THSD4: variants seen among roughly 807,000 people sequenced by gnomAD.
The protein encoded by THSD4 is thrombospondin type-1 domain-containing protein 4.
In THSD4, 69 loss-of-function variants were observed where a neutral mutation model predicts 119.0. The observed-to-expected ratio is 0.58, with a 90% CI of 0.48 to 0.71. The LOEUF is 0.71. Among genes scored for constraint, THSD4 ranks in the 30% least tolerant of loss-of-function variants. The pLI is 0.00. For synonymous variants in THSD4, 524 were observed against 540.4 expected (o/e 0.97, Z 0.42); for missense variants, 1,393 against 1,391.1 (o/e 1.00, Z -0.02).
chr15:71,195,293 A>T (rs1010987799), intron 3 of THSD4, among the ~76,000 whole-genome samples: 2 of 152,242 alleles, frequency 1.3e-5, no homozygotes, highest in East Asian at 3.8e-4. Context: ...CAACTCTAGC[A>T]TATATAAAAA....
intron 7 of THSD4, among the ~76,000 whole-genome samples, chr15:71,636,585 C>T (rs2050748664): frequency 6.6e-6 from 1 of 152,138 alleles, no homozygotes; most frequent in African/African-American, 2.4e-5. Flanking sequence ...TTTCTTTCTC[C>T]TGTCACTGGA....
intron 7 of THSD4, among the ~76,000 whole-genome samples, chr15:71,413,252 A>G (rs1275750959): frequency 6.6e-6 from 1 of 152,204 alleles, no homozygotes; most frequent in Non-Finnish European, 1.5e-5. Context: ...ACCTCAAGTG[A>G]TCCACCTGCC....
At chr15:71,395,539 C>A (rs982280732) in intron 6 of THSD4, among the ~76,000 whole-genome samples, 2 of 152,054 alleles carry the variant, frequency 1.3e-5, no homozygotes, top group Non-Finnish European at 2.9e-5. Context: ...CTCAGGAGTT[C>A]GAGACCAGCC....
In THSD4 at chr15:71,380,553, C is replaced by T. The variant is rs78113709; in HGVS notation, c.1016-31134C>T. 6.3e-3 allele frequency among the ~76,000 whole-genome samples: 952 copies of T among 152,186 alleles called. 11 individuals are homozygous for T. Among genetic ancestry groups the T allele is most frequent in the South Asian group, 0.019 (93 of 4,818 alleles). On this transcript the variant is annotated intron_variant, in intron 6 of 17. Coordinates refer to ENST00000261862, the MANE Select transcript of THSD4 (RefSeq NM_024817.3). The stretch of plus-strand genomic sequence containing the variant: ...AATAGTATCAAAAGACCAAAGTACA[C>T]TCCTTAACAAGAGCCCATACAGACC...
chr15:71,282,418 AG>A (rs2044663947), intron 6 of THSD4, among the ~76,000 whole-genome samples: 1 of 16,074 alleles, frequency 6.2e-5, no homozygotes, highest in African/African-American at 1.6e-4. Flanking sequence ...AGGAAGAAAT[AG>A]GAAAAAAGAA....
intron 7 of THSD4, among the ~76,000 whole-genome samples, chr15:71,556,186 T>C (rs571851210): frequency 2.6e-5 from 4 of 152,304 alleles, no homozygotes; most frequent in African/African-American, 9.6e-5. Context: ...CATTTAAGAA[T>C]TTTTATCAGT....
chr15:71,641,597 G>C (rs575138891), intron 7 of THSD4, among the ~76,000 whole-genome samples: 1 of 152,240 alleles, frequency 6.6e-6, no homozygotes, highest in East Asian at 1.9e-4. Context: ...TCCTGGAGGG[G>C]TGTGATTCCA....
At chr15:71,215,721 G>A (rs1215760130) in intron 4 of THSD4, among the ~76,000 whole-genome samples, 1 of 152,160 alleles carries the variant, frequency 6.6e-6, no homozygotes, top group South Asian at 2.1e-4. Context: ...AGTGCTGTCC[G>A]GGTGCCGGGA....
chr15:71,101,002 A>G (rs968949451), intron 1 of THSD4, among the ~76,000 whole-genome samples: 5 of 152,010 alleles, frequency 3.3e-5, no homozygotes, highest in African/African-American at 4.8e-5. Flanking sequence ...AAATAAAAAT[A>G]AAAAGTAAAA....
At chr15:71,231,574 G>A (rs892770508) in intron 4 of THSD4, among the ~76,000 whole-genome samples, 1 of 152,070 alleles carries the variant, frequency 6.6e-6, no homozygotes, top group African/African-American at 2.4e-5. Flanking sequence ...ATTCCTTCCT[G>A]TGGCCATACC....
chr15:71,607,582 G>C (rs2050132895), intron 7 of THSD4, among the ~76,000 whole-genome samples: 1 of 152,200 alleles, frequency 6.6e-6, no homozygotes, highest in South Asian at 2.1e-4. Context: ...AATGAGGAGG[G>C]TGCTCAGGAA....
intron 6 of THSD4, among the ~76,000 whole-genome samples, chr15:71,395,826 C>T (rs964015909): frequency 1.3e-5 from 2 of 151,790 alleles, no homozygotes; most frequent in South Asian, 4.2e-4. Context: ...CCAGAACATT[C>T]TTTTGCTGAA....
chr15:71,243,112 C>A lies in THSD4; in HGVS notation c.912+16C>A. 6.3e-7 allele frequency: 1 copy of A among 1,588,526 alleles called. No homozygotes were observed. The highest frequency in any genetic ancestry group is 8.6e-7 in the Non-Finnish European group (1 of 1,167,382). ...CAACACCAACGTGAGTACACACAAC[C>A]CATACCGGGCCTGGAAACAGCTGCC... is the stretch of plus-strand genomic sequence containing the variant. On this transcript the variant is annotated intron_variant, in intron 5 of 17. Transcript: ENST00000261862.
At chr15:71,745,336 T>C in intron 12 of THSD4, 101 bp downstream of exon 12, 1 of 1,450,766 alleles carries the variant, frequency 6.9e-7, no homozygotes, top group Non-Finnish European at 9.3e-7. Context: ...AAATCTGAGT[T>C]AGAAATACAA....
chr15:71,277,868 C>A (rs1439716241), intron 6 of THSD4, among the ~76,000 whole-genome samples: 2 of 152,192 alleles, frequency 1.3e-5, no homozygotes, highest in African/African-American at 4.8e-5. Context: ...ATGGCACATA[C>A]AGTATTCTGT....
chr15:71,660,374 T>C, intron 7 of THSD4, 156 bp from the exon 8 acceptor site: 1 of 775,502 alleles, frequency 1.3e-6, no homozygotes, highest in East Asian at 2.5e-5. Flanking sequence ...TTTATTTACT[T>C]GTCTGGTTTA....
rs1322798657 is a variant in THSD4 at position 71,682,878 on chromosome 15, TTCTTTCTTTCTTTCTTTCTTTCTTTC to T, written c.1357+22146_1357+22171del. ...CTACTTTCTTTCTTTCTTTCTTTCT[TTCTTTCTTTCTTTCTTTCTTTCTTTC>T]TTTCTTCTTCTTCTTCTTTTTTTTT... On this transcript the variant is annotated intron_variant, in intron 8 of 17. Coordinates refer to ENST00000261862, the MANE Select transcript of THSD4 (RefSeq NM_024817.3). Among the ~76,000 whole-genome samples, 2 of 18,710 alleles carry T rather than the reference TTCTTTCTTTCTTTCTTTCTTTCTTTC, an allele frequency of 1.1e-4. 1 individual carries two copies. The highest frequency in any genetic ancestry group is 3.1e-4 in the African/African-American group (2 of 6,510). 12.3% of individuals were successfully genotyped at this position (18,710 alleles called of 152,430 possible). A position where few individuals can be genotyped will look rare whatever the true frequency, so the allele number is the denominator to read the frequency against.
At chr15:71,534,864 G>C (rs2048667583) in intron 7 of THSD4, among the ~76,000 whole-genome samples, 1 of 152,052 alleles carries the variant, frequency 6.6e-6, no homozygotes, top group South Asian at 2.1e-4. Context: ...TGTGTTTGAG[G>C]TATGAGAACC....
At chr15:71,126,728 A>G (rs2040459497) in intron 1 of THSD4, among the ~76,000 whole-genome samples, 1 of 152,234 alleles carries the variant, frequency 6.6e-6, no homozygotes, top group Non-Finnish European at 1.5e-5. Context: ...AATAAAGAAA[A>G]TATAAATGAG....
Sources: gnomAD v4.1 joint callset for allele counts (sites outside exome capture counted in the v4.1 genomes callset) on GRCh38, gnomAD v4.1.1 for gene constraint, MANE v1.5 for transcripts, NCBI Gene and HGNC (gene_info 2026-07-23, HGNC 2026-07-21) for gene names.